The following MTMR3 variants were observed in gnomAD, a reference collection of about 807,000 sequenced individuals.
MTMR3 encodes the protein myotubularin related protein 3.
A neutral mutation model predicts 132.4 loss-of-function variants in MTMR3; 32 were observed. The ratio of observed to expected loss-of-function variants is 0.24; its 90% CI spans 0.18 to 0.32. MTMR3 has a LOEUF of 0.32. Ranked by LOEUF, MTMR3 falls within the 10% of genes least tolerant of loss-of-function variation. The pLI is 1.00. For missense variants in MTMR3, 1,216 were observed against 1,489.6 expected (o/e 0.82, Z 3.02); for synonymous variants, 556 against 550.3 (o/e 1.01, Z -0.14).
intron 1 of MTMR3, among the ~76,000 whole-genome samples, chr22:29,937,134 T>G (rs2065765161): frequency 6.6e-6 from 1 of 152,206 alleles, no homozygotes; most frequent in Non-Finnish European, 1.5e-5. Context: ...TAGTCATATC[T>G]AGTAATGTTA....
intron 2 of MTMR3, among the ~76,000 whole-genome samples, chr22:29,965,126 T>G (rs576724770): frequency 1.3e-4 from 20 of 152,208 alleles, no homozygotes; most frequent in Admixed American, 7.9e-4. Context: ...TTTGTTTCCT[T>G]TATCACATTT....
At chr22:30,015,634 C>T (rs1470207478) in intron 14 of MTMR3, 5 of 152,162 alleles carry the variant, frequency 3.3e-5, no homozygotes, top group African/African-American at 1.2e-4. Context: ...CCACCATCAT[C>T]TCCTGCCCCA....
chr22:29,928,043 C>T (rs112020406), intron 1 of MTMR3, among the ~76,000 whole-genome samples: 2,063 of 149,084 alleles, frequency 0.014, 24 homozygotes, highest in Middle Eastern at 0.067. Flanking sequence ...TGGGTTCAAG[C>T]GATTCTCCTG....
In MTMR3 at chr22:29,928,261, G is replaced by A. The variant is rs368771294; in HGVS notation, c.-137-28775G>A. 5.6e-5 allele frequency among the ~76,000 whole-genome samples: 8 copies of A among 142,654 alleles called. No individual in the cohort carries two copies. The East Asian group carries it at 6.5e-4, about 12-fold the overall frequency. 93.6% of individuals were successfully genotyped at this position (142,654 alleles called of 152,430 possible). On this transcript the variant is annotated intron_variant, in intron 1 of 19. Coordinates refer to ENST00000401950, the MANE Select transcript of MTMR3 (RefSeq NM_021090.4). ...GATCTCTCTGGTCACTGCCGCCTCC[G>A]CCTCCTGGGTAGTGATTCTCCTGCT...
chr22:29,940,488 T>G (rs1319641203), intron 1 of MTMR3, among the ~76,000 whole-genome samples: 1 of 150,106 alleles, frequency 6.7e-6, no homozygotes, highest in Non-Finnish European at 1.5e-5. Flanking sequence ...AAAGCCTGTT[T>G]GGTGGACTCT....
At chr22:29,949,127 ACACACACACACACACACCC>A (rs2066010625) in intron 1 of MTMR3, among the ~76,000 whole-genome samples, 7 of 30,734 alleles carry the variant, frequency 2.3e-4, no homozygotes, top group Admixed American at 6.2e-4. Flanking sequence ...ACACACACAC[ACACACACACACACACACCC>A]CCCCCCCCCC....
chr22:29,985,971 A>T (rs1345638184), intron 5 of MTMR3: 1 of 152,260 alleles, frequency 6.6e-6, no homozygotes. Flanking sequence ...GCAAAGTAGC[A>T]AAGGCTAATC....
intron 2 of MTMR3, among the ~76,000 whole-genome samples, chr22:29,965,465 A>G (rs1032880647): frequency 6.6e-6 from 1 of 152,154 alleles, no homozygotes; most frequent in Non-Finnish European, 1.5e-5. Context: ...CAGGCAGATC[A>G]CTTGAGGCCA....
rs1480373942 is a variant in MTMR3 at position 30,020,631 on chromosome 22, A to G, written c.2972A>G (p.His991Arg). The change falls in exon 17 of 20, where the codon CAC becomes CGC. Residue 991 changes from histidine (H) to arginine (R), a missense_variant. This residue lies in a region of MTMR3 where 852 missense variants were observed against 852.0 expected (regional missense o/e 1.00). Transcript: ENST00000401950. ...CACTTACACTCAAGGAACTTGCACC[A>G]CAAGTGGCTGCATAGCCACTCAGGA... ...SAHLHSRNLH[H>R]KWLHSHSGRP... The G allele has an allele frequency of 1.2e-6, 2 of 1,614,090 alleles. No individual in the cohort carries two copies. The highest frequency in any genetic ancestry group is 1.7e-6 in the Non-Finnish European group (2 of 1,180,046).
chr22:29,960,487 C>CAAA, intron 2 of MTMR3, among the ~76,000 whole-genome samples: 1 of 152,258 alleles, frequency 6.6e-6, no homozygotes, highest in Non-Finnish European at 1.5e-5. Context: ...AAAAAGGAGA[C>CAAA]AGTGTTGGAA....
chr22:29,951,763 G>A (rs975700292), intron 1 of MTMR3, among the ~76,000 whole-genome samples: 26 of 151,892 alleles, frequency 1.7e-4, no homozygotes, highest in Non-Finnish European at 2.8e-4. Context: ...TCTGTACCTC[G>A]TATGTAGTTA....
chr22:29,970,498 T>G (rs1164155048), intron 2 of MTMR3, among the ~76,000 whole-genome samples: 1 of 31,234 alleles, frequency 3.2e-5, no homozygotes, highest in Non-Finnish European at 7.0e-5. Flanking sequence ...CATGACCAGC[T>G]TTTTTTTTTT....
At position 30,027,821 on chromosome 22, in the gene MTMR3, T is replaced by C. The variant is rs142924812; in HGVS notation, c.*2020T>C. 3.3e-5 allele frequency: 5 copies of C among 152,482 alleles called. No individual in the cohort carries two copies. Among genetic ancestry groups the C allele is most frequent in the African/African-American group, 9.6e-5 (4 of 41,584 alleles). The allele number at this position is 152,482 out of a possible 1,614,324, so 9.4% of individuals were successfully genotyped here. On this transcript the variant is annotated 3_prime_UTR_variant, in exon 20 of 20. Transcript: ENST00000401950. Reference sequence around the variant, plus strand: ...GTAAATACTTTAGAATTGTTAAATATATAAATAAAGCAAATAAAGTTGAGT... The same window carrying C: ...GTAAATACTTTAGAATTGTTAAATACATAAATAAAGCAAATAAAGTTGAGT...
intron 2 of MTMR3, among the ~76,000 whole-genome samples, chr22:29,964,434 GCA>G (rs1448432159): frequency 2.0e-5 from 3 of 152,304 alleles, no homozygotes; most frequent in African/African-American, 7.2e-5. Context: ...CTGATGGGTT[GCA>G]CAGTTTCCTG....
chr22:30,003,345 A>G lies in MTMR3; in HGVS notation c.671+352A>G, dbSNP rs374017918. 403 of 167,038 alleles carry G rather than the reference A, an allele frequency of 2.4e-3. 1 individual carries two copies. Among genetic ancestry groups the G allele is most frequent in the African/African-American group, 9.2e-3 (385 of 42,010 alleles). 10.3% of individuals were successfully genotyped at this position (167,038 alleles called of 1,614,324 possible). ...TTTGGATTGAGAGATGAGTCTTAGA[A>G]AGTGATCTTTGGGAATATAGGGTCG... On this transcript the variant is annotated intron_variant, in intron 9 of 19. Transcript: ENST00000401950.
intron 9 of MTMR3, chr22:30,005,520 C>T (rs1018239244): frequency 2.0e-5 from 3 of 152,152 alleles, no homozygotes; most frequent in African/African-American, 7.2e-5. Context: ...TCATTCAGCT[C>T]AGTGGTTGCC....
At chr22:30,024,568 C>T (rs1241813176) in intron 19 of MTMR3, 2 of 152,166 alleles carry the variant, frequency 1.3e-5, no homozygotes, top group East Asian at 3.8e-4. Flanking sequence ...TTAGTCTTCT[C>T]TCCTCCTGTG....
At chr22:30,012,590 G>A (rs1434624238) in intron 13 of MTMR3, 27 bp downstream of exon 13, 1 of 1,566,524 alleles carries the variant, frequency 6.4e-7, no homozygotes, top group Non-Finnish European at 8.6e-7. Flanking sequence ...GGGAGGGGTT[G>A]GTACTTCAGG....
At chr22:30,003,714 A>G (rs2067220770) in intron 9 of MTMR3, 1 of 152,218 alleles carries the variant, frequency 6.6e-6, no homozygotes, top group Non-Finnish European at 1.5e-5. Flanking sequence ...GGCTATAAAC[A>G]CTGAGCTTCT....
Sources: allele counts gnomAD v4.1 joint callset (sites outside exome capture counted in the v4.1 genomes callset), GRCh38; gene constraint gnomAD v4.1.1; regional missense constraint gnomAD v4.1.1; transcripts MANE v1.5; gene names NCBI Gene and HGNC (gene_info 2026-07-23, HGNC 2026-07-21).